RUFY3: variants seen among roughly 807,000 people sequenced by gnomAD.
RUFY3 encodes the protein RUN and FYVE domain containing 3.
RUFY3 carries 34 observed loss-of-function variants against 84.0 expected under a neutral mutation model. The ratio of observed to expected loss-of-function variants is 0.40; its 90% CI spans 0.31 to 0.54. RUFY3 has a LOEUF of 0.54. Ranked by LOEUF, RUFY3 falls within the 20% of genes least tolerant of loss-of-function variation. The pLI is 0.39. For synonymous variants in RUFY3, 242 were observed against 252.9 expected, an observed-to-expected ratio of 0.96 and a Z score of 0.41; for missense variants, 507 against 736.8, an observed-to-expected ratio of 0.69 and a Z score of 3.61.
intron 1 of RUFY3, among the ~76,000 whole-genome samples, chr4:70,749,657 CT>C (rs537416557): frequency 2.0e-3 from 265 of 132,098 alleles, no homozygotes; most frequent in Middle Eastern, 3.9e-3. Flanking sequence ...CTTGTCTTGT[CT>C]TTTTTTTTTT....
chr4:70,804,761 CAAAAAAA>C (rs1186156048), intron 17 of RUFY3, among the ~76,000 whole-genome samples: 7 of 76,856 alleles, frequency 9.1e-5, no homozygotes, highest in East Asian at 6.8e-4. Flanking sequence ...ACTAAAAATA[CAAAAAAA>C]AAAAAAAAAA....
chr4:70,735,000 CT>C (rs1720051529), intron 1 of RUFY3, among the ~76,000 whole-genome samples: 1 of 152,176 alleles, frequency 6.6e-6, no homozygotes, highest in African/African-American at 2.4e-5. Flanking sequence ...GTCATTTGTC[CT>C]AAACTAATCA....
At chr4:70,755,580 C>T (rs1723861889) in intron 1 of RUFY3, among the ~76,000 whole-genome samples, 1 of 152,132 alleles carries the variant, frequency 6.6e-6, no homozygotes, top group African/African-American at 2.4e-5. Context: ...CTACATGACT[C>T]TGTAAAGTTT....
chr4:70,800,178 TA>T lies in RUFY3; in HGVS notation c.1601del (p.Lys534SerfsTer38). On this transcript the variant is annotated frameshift_variant, in exon 15 of 18. Coordinates refer to ENST00000381006, the MANE Select transcript of RUFY3 (RefSeq NM_001037442.4). LOFTEE classifies it high-confidence loss of function. ...AAAATGCAAGAGGAAAATGTTAAAC[TA>T]AAAAAGCCCCTGGAAGAAAGCCACA... ...KHKMQEENVK[L>X]KKPLEESHRL... 1.9e-6 allele frequency: 3 copies of T among 1,606,732 alleles called. No individual in the cohort carries two copies. The highest frequency in any genetic ancestry group is 3.4e-5 in the Admixed American group (2 of 58,248).
At position 70,722,351 on chromosome 4, in the gene RUFY3, C is replaced by T. The variant is rs887944621; in HGVS notation, c.-223C>T. 4 of 1,291,722 alleles carry T rather than the reference C, an allele frequency of 3.1e-6. No homozygotes were observed. The South Asian group carries it at 9.0e-5, about 29-fold the overall frequency. The allele number at this position is 1,291,722 out of a possible 1,614,324, so 80.0% of individuals were successfully genotyped here. A position where few individuals can be genotyped will look rare whatever the true frequency, so the allele number is the denominator to read the frequency against. ...TATTTTGCTATGTGGTAGGAACTGT[C>T]TATAAGATAGTGTAGAATTGTTTAT... On this transcript the variant is annotated 5_prime_UTR_variant, in exon 1 of 18. Transcript: ENST00000381006.
At chr4:70,710,937 C>T (rs1039438501) in intron 1 of RUFY3, among the ~76,000 whole-genome samples, 13 of 151,140 alleles carry the variant, frequency 8.6e-5, no homozygotes, top group African/African-American at 2.4e-4. Context: ...TGGTAGTGCA[C>T]GCCTGTAATC....
intron 1 of RUFY3, among the ~76,000 whole-genome samples, chr4:70,733,223 G>T (rs938892222): frequency 2.0e-5 from 3 of 150,818 alleles, no homozygotes; most frequent in South Asian, 2.1e-4. Flanking sequence ...TTTAATTTAT[G>T]GTTTCTAATG....
intron 1 of RUFY3, among the ~76,000 whole-genome samples, chr4:70,713,667 C>T (rs1192601543): frequency 2.0e-5 from 3 of 152,170 alleles, no homozygotes; most frequent in African/African-American, 7.2e-5. Context: ...GTCGTTGTAG[C>T]ATGTCGCCTT....
intron 10 of RUFY3, among the ~76,000 whole-genome samples, chr4:70,787,193 T>A (rs865807845): frequency 0.028 from 3,137 of 113,802 alleles, 183 homozygotes; most frequent in African/African-American, 0.094. Flanking sequence ...AAAAAATATA[T>A]ATATATATAT....
chr4:70,745,968 A>G (rs979683322), intron 1 of RUFY3, among the ~76,000 whole-genome samples: 4 of 151,914 alleles, frequency 2.6e-5, no homozygotes, highest in African/African-American at 9.7e-5. Context: ...TGAAACTGGG[A>G]GGCAGAGGTT....
intron 1 of RUFY3, among the ~76,000 whole-genome samples, chr4:70,710,281 A>G (rs1450474801): frequency 1.3e-5 from 2 of 151,876 alleles, no homozygotes; most frequent in South Asian, 2.1e-4. Flanking sequence ...TGTAGATTGT[A>G]TATGTGTTTG....
intron 1 of RUFY3, among the ~76,000 whole-genome samples, chr4:70,755,246 T>A (rs1416841191): frequency 6.6e-6 from 1 of 152,218 alleles, no homozygotes; most frequent in Non-Finnish European, 1.5e-5. Context: ...CCATTTTGTT[T>A]CTTATATAAG....
At chr4:70,723,048 A>C (rs1717629698) in intron 1 of RUFY3, among the ~76,000 whole-genome samples, 1 of 152,196 alleles carries the variant, frequency 6.6e-6, no homozygotes, top group Admixed American at 6.5e-5. Flanking sequence ...GATTCTATTC[A>C]ATAATGAGAA....
intron 12 of RUFY3, chr4:70,793,437 A>T: frequency 2.8e-6 from 3 of 1,056,910 alleles, no homozygotes; most frequent in Non-Finnish European, 3.4e-6. Flanking sequence ...AGTGGATTTA[A>T]CTTAAATTAC....
chr4:70,770,567 A>G (rs1220423972), intron 5 of RUFY3, among the ~76,000 whole-genome samples: 1 of 152,172 alleles, frequency 6.6e-6, no homozygotes, highest in Non-Finnish European at 1.5e-5. Flanking sequence ...ATCTCCATAG[A>G]ATTCAAGAGC....
intron 6 of RUFY3, 32 bp from the exon 7 acceptor site, chr4:70,775,136 A>C (rs1165450215): frequency 6.6e-7 from 1 of 1,522,670 alleles, no homozygotes; most frequent in Non-Finnish European, 9.0e-7. Context: ...TATGTTATTT[A>C]TTTTATTTCT....
At chr4:70,788,349 G>A (rs952748191) in intron 10 of RUFY3, among the ~76,000 whole-genome samples, 1 of 151,864 alleles carries the variant, frequency 6.6e-6, no homozygotes, top group South Asian at 2.1e-4. Context: ...TAATTGCGAT[G>A]TTACCCCAGG....
rs188846382 is a variant in RUFY3 at position 70,749,842 on chromosome 4, G to C, written c.179-12677G>C. Among the ~76,000 whole-genome samples, 66 of 151,750 alleles carry C rather than the reference G, an allele frequency of 4.3e-4. 1 individual carries two copies. The highest frequency in any genetic ancestry group is 1.5e-3 in the South Asian group (7 of 4,804). ...TTTTTTGTGTGTTTTTTATGGAGAG[G>C]GGGTCTCACCTTGTTGCCTAGCCTG... is the stretch of plus-strand genomic sequence containing the variant. On this transcript the variant is annotated intron_variant, in intron 1 of 17. Coordinates refer to ENST00000381006, the MANE Select transcript of RUFY3 (RefSeq NM_001037442.4).
intron 12 of RUFY3, chr4:70,791,490 G>C: frequency 7.3e-7 from 1 of 1,375,428 alleles, no homozygotes; most frequent in Non-Finnish European, 9.4e-7. Context: ...TTTCTCCCCA[G>C]GGTTAGAAAA....
Sources: allele counts gnomAD v4.1 joint callset (sites outside exome capture counted in the v4.1 genomes callset), GRCh38; gene constraint gnomAD v4.1.1; transcripts MANE v1.5; gene names NCBI Gene and HGNC (gene_info 2026-07-23, HGNC 2026-07-21).